The following RELN variants were observed in gnomAD, a reference collection of about 807,000 sequenced individuals.
The protein encoded by RELN is reelin.
A neutral mutation model predicts 427.6 loss-of-function variants in RELN; 108 were observed. The ratio of observed to expected loss-of-function variants is 0.25; its 90% CI spans 0.22 to 0.30. The LOEUF is 0.30. Among genes scored for constraint, RELN ranks in the 10% least tolerant of loss-of-function variants. RELN has a pLI of 1.00. For synonymous variants in RELN, 1,524 were observed against 1,513.4 expected, an observed-to-expected ratio of 1.01 and a Z score of -0.16; for missense variants, 3,715 against 4,302.8, an observed-to-expected ratio of 0.86 and a Z score of 3.82.
intron 1 of RELN, among the ~76,000 whole-genome samples, chr7:103,940,619 G>C (rs995565134): frequency 1.3e-5 from 2 of 152,166 alleles, no homozygotes; most frequent in Non-Finnish European, 2.9e-5. Flanking sequence ...ACCCAGTAGA[G>C]TTCCAGGGCT....
chr7:103,781,326 T>C (rs548200673), intron 3 of RELN, among the ~76,000 whole-genome samples: 1 of 152,280 alleles, frequency 6.6e-6, no homozygotes, highest in South Asian at 2.1e-4. Flanking sequence ...AAATCTTCTA[T>C]GGAAATATAT....
chr7:103,843,882 G>A (rs1249153513), intron 2 of RELN, among the ~76,000 whole-genome samples: 2 of 152,136 alleles, frequency 1.3e-5, no homozygotes, highest in African/African-American at 4.8e-5. Flanking sequence ...GCTTATCTCT[G>A]CTGCCTTCTC....
chr7:103,818,206 C>G (rs1344053096), intron 3 of RELN, among the ~76,000 whole-genome samples: 2 of 152,084 alleles, frequency 1.3e-5, no homozygotes, highest in Non-Finnish European at 2.9e-5. Context: ...CTAATTAATA[C>G]TAGTTAGTTG....
At chr7:103,669,037 T>A (rs1047266810) in intron 11 of RELN, among the ~76,000 whole-genome samples, 3 of 152,202 alleles carry the variant, frequency 2.0e-5, no homozygotes, top group African/African-American at 7.2e-5. Flanking sequence ...TTAATTTAAA[T>A]GAGTTATTAT....
intron 46 of RELN, among the ~76,000 whole-genome samples, chr7:103,531,329 C>A (rs747865846): frequency 1.6e-4 from 25 of 152,218 alleles, no homozygotes; most frequent in African/African-American, 5.8e-4. Flanking sequence ...AAATCATCTT[C>A]TTTCAGGAAG....
At chr7:103,975,839 C>T (rs886222725) in intron 1 of RELN, among the ~76,000 whole-genome samples, 5 of 151,876 alleles carry the variant, frequency 3.3e-5, no homozygotes, top group African/African-American at 7.3e-5. Flanking sequence ...AGCCACCGCA[C>T]CCGGCCGGAA....
At chr7:103,643,745 G>A (rs912555998) in intron 16 of RELN, among the ~76,000 whole-genome samples, 7 of 151,832 alleles carry the variant, frequency 4.6e-5, no homozygotes, top group African/African-American at 1.2e-4. Flanking sequence ...CTATTTTTAG[G>A]TTTCTAAAGA....
chr7:103,492,613 T>G (rs1309955076), intron 57 of RELN, among the ~76,000 whole-genome samples: 1 of 152,218 alleles, frequency 6.6e-6, no homozygotes, highest in Non-Finnish European at 1.5e-5. Context: ...TCAGCACTGA[T>G]AACTAGGGAA....
intron 1 of RELN, 94 bp from the exon 2 acceptor site, chr7:103,917,279 T>G: frequency 1.0e-6 from 1 of 970,108 alleles, no homozygotes. Context: ...CAATCTTTAC[T>G]CATTAACAAA....
rs575378744 is a variant in RELN at position 103,612,193 on chromosome 7, T to C, written c.2703-390A>G. Among the ~76,000 whole-genome samples the C allele has an allele frequency of 1.3e-4, 20 of 152,304 alleles. No homozygotes were observed. The East Asian group carries it at 3.3e-3, about 25-fold the overall frequency. On this transcript the variant is annotated intron_variant, in intron 20 of 64. Coordinates refer to ENST00000428762, the MANE Select transcript of RELN (RefSeq NM_005045.4). ...TACTGCTAATAGTAATTGGTAACAATGTCAATGTCAAAATGGAAGGCTTAA... is the reference window on the plus strand; with the variant it reads ...TACTGCTAATAGTAATTGGTAACAACGTCAATGTCAAAATGGAAGGCTTAA...
rs186409148 is a variant in RELN at position 103,649,313 on chromosome 7, T to A, written c.2002+961A>T. Reference sequence around the variant, plus strand: ...ACATAGCTGGAACTGGAGGCCATTATCCTAAGTGATATTACTTAGAAAGTT... The same window carrying A: ...ACATAGCTGGAACTGGAGGCCATTAACCTAAGTGATATTACTTAGAAAGTT... On this transcript the variant is annotated intron_variant, in intron 16 of 64. Transcript: ENST00000428762. Among the ~76,000 whole-genome samples the A allele has an allele frequency of 1.4e-4, 21 of 152,148 alleles. No individual in the cohort carries two copies. The East Asian group carries it at 3.9e-3, about 28-fold the overall frequency.
intron 8 of RELN, among the ~76,000 whole-genome samples, chr7:103,704,226 T>A (rs1351568328): frequency 6.6e-6 from 1 of 152,336 alleles, no homozygotes; most frequent in African/African-American, 2.4e-5. Flanking sequence ...CTCAACCCCA[T>A]AATATATAAG....
intron 1 of RELN, among the ~76,000 whole-genome samples, chr7:103,982,338 G>A (rs1797007633): frequency 6.6e-6 from 1 of 152,066 alleles, no homozygotes; most frequent in Admixed American, 6.6e-5. Flanking sequence ...ATGTAATTCA[G>A]CGATATGAAG....
At position 103,540,222 on chromosome 7, in the gene RELN, A is replaced by C; in HGVS notation, c.6905T>G (p.Phe2302Cys). Residue 2302 changes from phenylalanine to cysteine, a missense_variant, in exon 44 of 65, where the codon TTC (phenylalanine) becomes TGC (cysteine). Transcript: ENST00000428762. ...RWWQPSENGH[F>C]YSPWVIDQIL... ...CTGATCGATAACCCAGGGGCTGTAG[A>C]AGTGCCCATTCTCAGACGGTTGCCA... 6.2e-7 allele frequency: 1 copy of C among 1,614,212 alleles called. No homozygotes were observed. The highest frequency in any genetic ancestry group is 1.1e-5 in the South Asian group (1 of 91,092).
At chr7:103,537,123 G>A (rs748874697) in intron 45 of RELN, among the ~76,000 whole-genome samples, 1 of 152,106 alleles carries the variant, frequency 6.6e-6, no homozygotes, top group African/African-American at 2.4e-5. Context: ...GGTATCAGAG[G>A]TTGTTAAGAA....
chr7:103,791,859 T>C lies in RELN; in HGVS notation c.474-15232A>G, dbSNP rs540865870. On this transcript the variant is annotated intron_variant, in intron 3 of 64. Transcript: ENST00000428762. ...ATAAAGAAATAGTATCCAGTATATATGAAGAACTCTTTACAACTCAATAAA... is the reference window on the plus strand; with the variant it reads ...ATAAAGAAATAGTATCCAGTATATACGAAGAACTCTTTACAACTCAATAAA... Among the ~76,000 whole-genome samples the C allele has an allele frequency of 3.3e-5, 5 of 152,224 alleles. 1 individual carries two copies. Among genetic ancestry groups the C allele is most frequent in the African/African-American group, 1.2e-4 (5 of 41,536 alleles).
intron 2 of RELN, among the ~76,000 whole-genome samples, chr7:103,881,878 C>T (rs1366445531): frequency 1.3e-5 from 2 of 152,096 alleles, no homozygotes; most frequent in Non-Finnish European, 2.9e-5. Flanking sequence ...ACAAAACACC[C>T]CCAAGCCCAC....
intron 3 of RELN, among the ~76,000 whole-genome samples, chr7:103,825,612 G>A (rs1793118148): frequency 6.6e-6 from 1 of 151,964 alleles, no homozygotes; most frequent in Non-Finnish European, 1.5e-5. Flanking sequence ...TAAATGTCAC[G>A]GTAATATTTG....
chr7:103,611,049 A>G (rs1307263488), intron 21 of RELN, among the ~76,000 whole-genome samples: 2 of 152,216 alleles, frequency 1.3e-5, no homozygotes, highest in African/African-American at 4.8e-5. Flanking sequence ...GTATTTCCCA[A>G]TACTCGCACA....
Sources: gnomAD v4.1 joint callset for allele counts (sites outside exome capture counted in the v4.1 genomes callset) on GRCh38, gnomAD v4.1.1 for gene constraint, MANE v1.5 for transcripts, NCBI Gene and HGNC (gene_info 2026-07-23, HGNC 2026-07-21) for gene names.